Variants in CSMD2 observed in about 807,000 individuals in gnomAD.
CSMD2 encodes CUB and Sushi multiple domains 2, also known as CUB and sushi domain-containing protein 2.
CSMD2 carries 130 observed loss-of-function variants against 398.5 expected under a neutral mutation model. That is an observed-to-expected ratio of 0.33 (90% confidence interval 0.28 to 0.38). CSMD2 has a LOEUF of 0.38. Among genes scored for constraint, CSMD2 ranks in the 10% least tolerant of loss-of-function variants. The pLI is 1.00. For synonymous variants in CSMD2, 1,828 were observed against 1,908.5 expected, an observed-to-expected ratio of 0.96 and a Z score of 1.10; for missense variants, 3,829 against 4,764.9, an observed-to-expected ratio of 0.80 and a Z score of 5.78.
chr1:33,553,626 A>G lies in CSMD2; in HGVS notation c.8744-3276T>C, dbSNP rs377642341. The stretch of plus-strand genomic sequence containing the variant: ...TGATTAAAAGCTTAGTGAGGAAGGC[A>G]TGTCGGAAGCTGAGACAGCCCTAAA... On this transcript the variant is annotated intron_variant, in intron 55 of 70. Transcript: ENST00000373381. 3.3e-5 allele frequency among the ~76,000 whole-genome samples: 5 copies of G among 152,358 alleles called. No individual in the cohort carries two copies. In the South Asian group the frequency reaches 1.0e-3, roughly 32 times the overall value.
Position 34,098,820 on chromosome 1 carries a change from G to A in CSMD2, c.188-9627C>T, listed in dbSNP as rs61021525. Among the ~76,000 whole-genome samples the A allele has an allele frequency of 5.9e-3, 904 of 152,194 alleles. 15 individuals carry two copies. Among genetic ancestry groups the A allele is most frequent in the African/African-American group, 0.021 (865 of 41,524 alleles). ...AAAAAATAAAGTCATAAAATAATGA[G>A]AAGAAAACCTAGGTAATTATCTGAC... On this transcript the variant is annotated intron_variant, in intron 1 of 70. Coordinates refer to ENST00000373381, the MANE Select transcript of CSMD2 (RefSeq NM_001281956.2).
chr1:33,645,733 A>G (rs2148946742), intron 29 of CSMD2, among the ~76,000 whole-genome samples: 1 of 152,340 alleles, frequency 6.6e-6, no homozygotes, highest in African/African-American at 2.4e-5. Flanking sequence ...TTACATTTCT[A>G]TGAAGCAGGA....
At chr1:33,908,539 G>A (rs989630204) in intron 5 of CSMD2, among the ~76,000 whole-genome samples, 5 of 152,244 alleles carry the variant, frequency 3.3e-5, no homozygotes, top group Admixed American at 2.0e-4. Context: ...GACCCATGGG[G>A]GGCAGGCCAG....
Position 33,518,098 on chromosome 1 carries a change from A to C in CSMD2, c.*53+1367T>G, listed in dbSNP as rs1325839357. 2.6e-5 allele frequency among the ~76,000 whole-genome samples: 4 copies of C among 152,370 alleles called. No individual in the cohort carries two copies. In the East Asian group the frequency reaches 7.7e-4, roughly 29 times the overall value. Reference sequence around the variant, plus strand: ...ACTTGGCGGATTTTCCACCGCCCTCACTGGGAATCCCTACCTGGCTGGCTC... The same window carrying C: ...ACTTGGCGGATTTTCCACCGCCCTCCCTGGGAATCCCTACCTGGCTGGCTC... On this transcript the variant is annotated intron_variant, in intron 70 of 70. Transcript: ENST00000373381. This position sits in a 1 kb window ranked among gnomAD's most constrained non-coding sequence, Gnocchi z 4.3.
intron 1 of CSMD2, among the ~76,000 whole-genome samples, chr1:34,116,492 A>G (rs1661612884): frequency 6.6e-6 from 1 of 152,112 alleles, no homozygotes; most frequent in Non-Finnish European, 1.5e-5. Context: ...ACCCAGATAT[A>G]TGAAGCAAAC....
At chr1:33,606,081 T>C (rs1640586262) in intron 41 of CSMD2, 1 of 1,487,092 alleles carries the variant, frequency 6.7e-7, no homozygotes, top group Non-Finnish European at 8.9e-7. Context: ...GCAGGGAAGC[T>C]GTTTCCATGA....
At chr1:33,572,391 G>GGT in intron 50 of CSMD2, 115 bp downstream of exon 50, 3 of 823,448 alleles carry the variant, frequency 3.6e-6, no homozygotes, top group Non-Finnish European at 3.5e-6. Flanking sequence ...CCATGTCCAT[G>GGT]TTTTTTTTTT....
chr1:33,763,714 G>A (rs1240419714), intron 13 of CSMD2, among the ~76,000 whole-genome samples: 1 of 152,292 alleles, frequency 6.6e-6, no homozygotes, highest in East Asian at 1.9e-4. Flanking sequence ...CACGGGCTTG[G>A]TTCTTACAGC....
intron 5 of CSMD2, chr1:33,871,122 T>C (rs545873366): frequency 1.3e-5 from 2 of 152,344 alleles, no homozygotes; most frequent in African/African-American, 2.4e-5. Context: ...TCTTGACCCA[T>C]AGAAACTAAT....
chr1:34,155,037 A>G (rs913921623), intron 1 of CSMD2, among the ~76,000 whole-genome samples: 2 of 152,200 alleles, frequency 1.3e-5, no homozygotes, highest in East Asian at 3.9e-4. Flanking sequence ...GGATCCATGC[A>G]TATTTGAAGA....
intron 21 of CSMD2, among the ~76,000 whole-genome samples, chr1:33,713,144 A>G (rs138495495): frequency 2.6e-5 from 4 of 152,320 alleles, no homozygotes; most frequent in African/African-American, 9.6e-5. Flanking sequence ...AGCTGAGGTT[A>G]AGGGGGTTTG....
At position 33,572,365 on chromosome 1, in the gene CSMD2, T is replaced by C; in HGVS notation, c.7762+141A>G. 4 of 797,884 alleles carry C rather than the reference T, an allele frequency of 5.0e-6. No individual in the cohort carries two copies. The South Asian group carries it at 7.4e-5, about 15-fold the overall frequency. 49.4% of individuals were successfully genotyped at this position (797,884 alleles called of 1,614,324 possible). A position where few individuals can be genotyped will look rare whatever the true frequency, so the allele number is the denominator to read the frequency against. ...CAGTTTCAGCACCTGCCTCCTCTTC[T>C]GAAATCCTCCAACCTCCATGTCCAT... On this transcript the variant is annotated intron_variant, in intron 50 of 70. Coordinates refer to ENST00000373381, the MANE Select transcript of CSMD2 (RefSeq NM_001281956.2).
At chr1:33,901,222 A>G (rs921132519) in intron 5 of CSMD2, among the ~76,000 whole-genome samples, 1 of 152,256 alleles carries the variant, frequency 6.6e-6, no homozygotes, top group African/African-American at 2.4e-5. Context: ...TTATCTTGAC[A>G]TTGGTCCTGT....
chr1:33,963,618 C>G (rs1645449387), intron 3 of CSMD2, among the ~76,000 whole-genome samples: 1 of 152,182 alleles, frequency 6.6e-6, no homozygotes, highest in Non-Finnish European at 1.5e-5. Flanking sequence ...CCCTCACTCT[C>G]AACTAGTTTA....
chr1:33,600,783 C>T (rs1039201096), intron 44 of CSMD2, 82 bp downstream of exon 44: 46 of 1,456,420 alleles, frequency 3.2e-5, no homozygotes, highest in South Asian at 8.3e-5. Flanking sequence ...TCACATGATC[C>T]GCAAATGGTG....
At chr1:33,638,142 G>A (rs1440241115) in intron 29 of CSMD2, among the ~76,000 whole-genome samples, 1 of 152,106 alleles carries the variant, frequency 6.6e-6, no homozygotes, top group African/African-American at 2.4e-5. Context: ...ATGGCCACTC[G>A]TCACAGGGCA....
rs1430276478 is a variant in CSMD2, at chr1:33,514,387, G to A, written c.*2237C>T. 8.7e-4 allele frequency: 131 copies of A among 150,646 alleles called. 2 individuals are homozygous for A. Among genetic ancestry groups the A allele is most frequent in the Non-Finnish European group, 1.0e-4 (7 of 67,640 alleles). 9.3% of individuals were successfully genotyped at this position (150,646 alleles called of 1,614,324 possible). Reference sequence around the variant, plus strand: ...TTTTACTTTTTTTTTTTTCCTCATGGGATGGTGATGGGTATATGGCGTAGA... The same window carrying A: ...TTTTACTTTTTTTTTTTTCCTCATGAGATGGTGATGGGTATATGGCGTAGA... On this transcript the variant is annotated 3_prime_UTR_variant, in exon 71 of 71. Transcript: ENST00000373381.
At chr1:33,975,195 A>C (rs1034331583) in intron 3 of CSMD2, among the ~76,000 whole-genome samples, 1 of 152,110 alleles carries the variant, frequency 6.6e-6, no homozygotes, top group Non-Finnish European at 1.5e-5. Flanking sequence ...CTGGCTTCTG[A>C]GGGCATCCAG....
At chr1:33,921,545 T>C (rs1055298271) in intron 4 of CSMD2, among the ~76,000 whole-genome samples, 3 of 152,164 alleles carry the variant, frequency 2.0e-5, no homozygotes, top group African/African-American at 7.2e-5. Context: ...GAGTCTTGAC[T>C]GTACTGGGGA....
Sources: allele counts gnomAD v4.1 joint callset (sites outside exome capture counted in the v4.1 genomes callset), GRCh38; gene constraint gnomAD v4.1.1; non-coding constraint Gnocchi (gnomAD v3.1); transcripts MANE v1.5; gene names NCBI Gene and HGNC (gene_info 2026-07-23, HGNC 2026-07-21).